Variants in GPC5 observed in about 807,000 individuals in gnomAD.
GPC5 encodes glypican-5.
A neutral mutation model predicts 53.9 loss-of-function variants in GPC5; 47 were observed. The observed-to-expected ratio is 0.87, with a 90% confidence interval of 0.69 to 1.11. GPC5 has a LOEUF of 1.11. Among genes scored for constraint, GPC5 ranks in the 50% most tolerant of loss-of-function variants. The pLI is 0.00. For missense variants in GPC5, 748 were observed against 713.1 expected (o/e 1.05, Z -0.56); for synonymous variants, 286 against 263.3 (o/e 1.09, Z -0.84).
chr13:91,423,576 G>C (rs576536570), intron 1 of GPC5, among the ~76,000 whole-genome samples: 2 of 152,118 alleles, frequency 1.3e-5, no homozygotes, highest in East Asian at 3.9e-4. Flanking sequence ...CAGTAGAGGG[G>C]GGGTGTGGGG....
intron 7 of GPC5, among the ~76,000 whole-genome samples, chr13:92,233,505 C>G (rs1293479180): frequency 6.6e-6 from 1 of 152,074 alleles, no homozygotes; most frequent in Non-Finnish European, 1.5e-5. Context: ...TTTCTACCTC[C>G]TTAGGATCTT....
chr13:92,126,734 G>GA (rs571029749), intron 6 of GPC5, among the ~76,000 whole-genome samples: 3 of 152,054 alleles, frequency 2.0e-5, no homozygotes, highest in Admixed American at 6.6e-5. Context: ...TGAGTAGAGA[G>GA]AAAAAAACTC....
intron 5 of GPC5, among the ~76,000 whole-genome samples, chr13:91,874,408 T>G (rs2039180293): frequency 6.6e-6 from 1 of 152,204 alleles, no homozygotes; most frequent in South Asian, 2.1e-4. Context: ...CATTTTTTAT[T>G]AATAATTTTT....
At chr13:92,342,721 A>C (rs1230794055) in intron 7 of GPC5, among the ~76,000 whole-genome samples, 2 of 152,144 alleles carry the variant, frequency 1.3e-5, no homozygotes, top group Non-Finnish European at 2.9e-5. Context: ...TCCTTGAAAA[A>C]TATGAGTATT....
At chr13:91,542,034 A>ATTAATTAATATTAC (rs1185416711) in intron 2 of GPC5, among the ~76,000 whole-genome samples, 1 of 149,618 alleles carries the variant, frequency 6.7e-6, no homozygotes, top group South Asian at 2.1e-4. Flanking sequence ...ATTAATATTA[A>ATTAATTAATATTAC]TAATGTATTA....
intron 1 of GPC5, among the ~76,000 whole-genome samples, chr13:91,423,532 G>A (rs559778469): frequency 2.7e-4 from 41 of 152,230 alleles, no homozygotes; most frequent in African/African-American, 9.9e-4. Flanking sequence ...GGCTTAAGAA[G>A]CCTACTATGT....
At chr13:92,354,265 T>C (rs2043504276) in intron 7 of GPC5, among the ~76,000 whole-genome samples, 1 of 152,204 alleles carries the variant, frequency 6.6e-6, no homozygotes, top group African/African-American at 2.4e-5. Context: ...TCATATTAAA[T>C]CATGGATTCT....
At chr13:92,624,149 A>T (rs1351952673) in intron 7 of GPC5, among the ~76,000 whole-genome samples, 5 of 150,496 alleles carry the variant, frequency 3.3e-5, no homozygotes, top group Admixed American at 1.3e-4. Context: ...ATCTTGGCTC[A>T]CTGCAACCTC....
At chr13:92,618,541 T>G (rs1884772217) in intron 7 of GPC5, among the ~76,000 whole-genome samples, 1 of 152,140 alleles carries the variant, frequency 6.6e-6, no homozygotes, top group East Asian at 1.9e-4. Flanking sequence ...TACCAGTGAT[T>G]AAAGGACATT....
In GPC5 at chr13:91,548,397, A is replaced by G. The variant is rs541081137; in HGVS notation, c.325+99475A>G. On this transcript the variant is annotated intron_variant, in intron 2 of 7. Transcript: ENST00000377067. ...CCAAAAGTGAAATACTTAGATAAAA[A>G]TCTAACAAAATATGTACAGCTCTAT... is the stretch of plus-strand genomic sequence containing the variant. 3.3e-4 allele frequency among the ~76,000 whole-genome samples: 51 copies of G among 152,338 alleles called. 1 individual carries two copies. The South Asian group carries it at 9.5e-3, about 28-fold the overall frequency.
intron 7 of GPC5, among the ~76,000 whole-genome samples, chr13:92,658,388 T>G (rs9589613): frequency 0.036 from 5,461 of 152,212 alleles, 369 homozygotes; most frequent in African/African-American, 0.12. Context: ...TGTTGCAAAA[T>G]TTAGAGTTCT....
At chr13:92,392,161 G>GT (rs1875034420) in intron 7 of GPC5, among the ~76,000 whole-genome samples, 1 of 152,082 alleles carries the variant, frequency 6.6e-6, no homozygotes, top group Admixed American at 6.6e-5. Flanking sequence ...ACAATTACTT[G>GT]TTTTTCTAAA....
At chr13:92,793,096 C>A (rs1594511086) in intron 7 of GPC5, among the ~76,000 whole-genome samples, 1 of 152,232 alleles carries the variant, frequency 6.6e-6, no homozygotes, top group East Asian at 1.9e-4. Flanking sequence ...TTCTCAGCAC[C>A]ACACCGCCCT....
intron 7 of GPC5, among the ~76,000 whole-genome samples, chr13:92,432,347 T>G (rs974900206): frequency 1.3e-5 from 2 of 150,712 alleles, no homozygotes; most frequent in African/African-American, 4.9e-5. Context: ...TTTTTTATTG[T>G]TGGTGGTGGG....
intron 5 of GPC5, among the ~76,000 whole-genome samples, chr13:91,789,783 T>C (rs1252031314): frequency 6.6e-6 from 1 of 152,122 alleles, no homozygotes; most frequent in African/African-American, 2.4e-5. Context: ...CTATCCTATA[T>C]TGAGATAGGA....
intron 7 of GPC5, among the ~76,000 whole-genome samples, chr13:92,588,997 T>A (rs3901971): frequency 6.6e-6 from 1 of 152,162 alleles, no homozygotes; most frequent in Non-Finnish European, 1.5e-5. Flanking sequence ...TCAGGTAAAG[T>A]TGAGGGGGGT....
intron 7 of GPC5, among the ~76,000 whole-genome samples, chr13:92,779,230 T>C (rs2138759498): frequency 6.6e-6 from 1 of 152,176 alleles, no homozygotes; most frequent in Admixed American, 6.5e-5. Flanking sequence ...TCATGAGACT[T>C]ATTCACTATC....
intron 7 of GPC5, among the ~76,000 whole-genome samples, chr13:92,490,446 A>G (rs1298640738): frequency 6.6e-6 from 1 of 152,124 alleles, no homozygotes; most frequent in African/African-American, 2.4e-5. Context: ...CTCTCTAATC[A>G]GTATCCTTGC....
chr13:92,055,964 A>AT (rs2041070871), intron 6 of GPC5, among the ~76,000 whole-genome samples: 1 of 151,702 alleles, frequency 6.6e-6, no homozygotes, highest in Non-Finnish European at 1.5e-5. Context: ...CATTAGTTTA[A>AT]ATTTTTTTCT....
Sources: gnomAD v4.1 joint callset for allele counts (sites outside exome capture counted in the v4.1 genomes callset) on GRCh38, gnomAD v4.1.1 for gene constraint, MANE v1.5 for transcripts, NCBI Gene and HGNC (gene_info 2026-07-23, HGNC 2026-07-21) for gene names.